The following MYBPHL variants were observed in gnomAD, a reference collection of about 807,000 sequenced individuals.
The protein encoded by MYBPHL is myosin-binding protein H-like.
A neutral mutation model predicts 39.5 loss-of-function variants in MYBPHL; 32 were observed. The ratio of observed to expected loss-of-function variants is 0.81; its 90% CI spans 0.61 to 1.09. MYBPHL has a LOEUF of 1.09. Ranked by LOEUF, MYBPHL falls within the 50% of genes least tolerant of loss-of-function variation. The pLI, the probability that MYBPHL is intolerant of heterozygous loss-of-function variation, is 0.00. For synonymous variants in MYBPHL, 196 were observed against 183.7 expected (o/e 1.07, Z -0.54); for missense variants, 456 against 460.2 (o/e 0.99, Z 0.08).
At chr1:109,295,865 G>T (rs1307564129) in intron 6 of MYBPHL, among the ~76,000 whole-genome samples, 2 of 152,200 alleles carry the variant, frequency 1.3e-5, no homozygotes, top group Non-Finnish European at 2.9e-5. Flanking sequence ...TGTGGCAAAA[G>T]GCTGAACTCT....
chr1:109,304,621 G>A (rs61797113), intron 1 of MYBPHL, among the ~76,000 whole-genome samples: 1 of 152,180 alleles, frequency 6.6e-6, no homozygotes. Context: ...TCCTGACCCC[G>A]TGGTACTGCC....
chr1:109,301,902 A>G (rs1218655935), intron 1 of MYBPHL, among the ~76,000 whole-genome samples: 1 of 152,084 alleles, frequency 6.6e-6, no homozygotes, highest in African/African-American at 2.4e-5. Context: ...ATTCCCTTTT[A>G]TGGGATCAGT....
At chr1:109,302,573 G>C (rs1247988977) in intron 1 of MYBPHL, among the ~76,000 whole-genome samples, 3 of 152,004 alleles carry the variant, frequency 2.0e-5, no homozygotes, top group Non-Finnish European at 4.4e-5. Flanking sequence ...CTCTCCATGC[G>C]GTATGCCTCT....
chr1:109,297,172 G>C lies in MYBPHL; in HGVS notation c.448C>G (p.Gln150Glu), dbSNP rs1451290409. The change falls in exon 4 of 9, where the codon CAG (glutamine) becomes GAG (glutamate). Residue 150 changes from glutamine (Q) to glutamate (E), a missense_variant. Physicochemically the swap from Gln to Glu is conservative, Grantham distance 29. Coordinates refer to ENST00000357155, the MANE Select transcript of MYBPHL (RefSeq NM_001010985.3). ...CAAACGTCCACCAGCTTAATACTCT[G>C]AGGAGGGCCTGGCCTCTCTGAAAGG... ...ILVIERPGPP[Q>E]SIKLVDVWGF... The C allele has an allele frequency of 6.2e-7, 1 of 1,614,092 alleles. No individual in the cohort carries two copies. Among genetic ancestry groups the C allele is most frequent in the Non-Finnish European group, 8.5e-7 (1 of 1,180,048 alleles).
rs80157306 is a variant in MYBPHL at position 109,297,452 on chromosome 1, C to T, written c.400G>A (p.Ala134Thr). Reference sequence around the variant, plus strand: ...ACCAGGATGTCAATGGTGGCGGTGGCCTCCAGCCCACCCAGCTGCACGCGG... The same window carrying T: ...ACCAGGATGTCAATGGTGGCGGTGGTCTCCAGCCCACCCAGCTGCACGCGG... ...QLRVQLGGLE[A>T]TATIDILVIE... The change falls in exon 3 of 9, where the codon GCC becomes ACC. Residue 134 changes from alanine to threonine, a missense_variant. Physicochemically the swap from Ala to Thr is moderately conservative, Grantham distance 58 (BLOSUM62 0). Coordinates refer to ENST00000357155, the MANE Select transcript of MYBPHL (RefSeq NM_001010985.3). 1.9e-6 allele frequency: 3 copies of T among 1,612,866 alleles called. No homozygotes were observed. Among genetic ancestry groups the T allele is most frequent in the Non-Finnish European group, 2.5e-6 (3 of 1,179,906 alleles).
rs1429897416 is a variant in MYBPHL at position 109,295,186 on chromosome 1, C to T, written c.979G>A (p.Asp327Asn). Residue 327 changes from aspartate (D) to asparagine (N), a missense_variant, in exon 7 of 9, where the codon GAT becomes AAT. Asp to Asn is a conservative substitution (Grantham distance 23, BLOSUM62 1). Transcript: ENST00000357155. ...SLEIRKPGPFDGGIYTCKAVN... is the reference protein window; with the variant it reads ...SLEIRKPGPFNGGIYTCKAVN... ...GCCTTGCAGGTATAGATGCCTCCATCAAAGGGACCCGGCTTGCGGATCTCT... is the reference window on the plus strand; with the variant it reads ...GCCTTGCAGGTATAGATGCCTCCATTAAAGGGACCCGGCTTGCGGATCTCT... 8.1e-6 allele frequency: 13 copies of T among 1,614,070 alleles called. No individual in the cohort carries two copies. Among genetic ancestry groups the T allele is most frequent in the Non-Finnish European group, 1.1e-5 (13 of 1,180,040 alleles).
Position 109,297,499 on chromosome 1 carries a change from G to T in MYBPHL, c.353C>A (p.Ala118Asp). 1 of 1,613,772 alleles carries T rather than the reference G, an allele frequency of 6.2e-7. No individual in the cohort carries two copies. The highest frequency in any genetic ancestry group is 8.5e-7 in the Non-Finnish European group (1 of 1,180,034). Reference protein sequence around the residue: ...SILFIREAQRADSGRYQLRVQ... With the variant: ...SILFIREAQRDDSGRYQLRVQ... Reference sequence around the variant, plus strand: ...GCGGAGTTGGTAGCGACCTGAGTCAGCACGTTGGGCTTCTCGGATGAAGAG... The same window carrying T: ...GCGGAGTTGGTAGCGACCTGAGTCATCACGTTGGGCTTCTCGGATGAAGAG... Residue 118 changes from alanine to aspartate, a missense_variant, in exon 3 of 9, where the codon GCT (alanine) becomes GAT (aspartate). Coordinates refer to ENST00000357155, the MANE Select transcript of MYBPHL (RefSeq NM_001010985.3).
chr1:109,303,118 T>C (rs1658349757), intron 1 of MYBPHL, among the ~76,000 whole-genome samples: 1 of 152,250 alleles, frequency 6.6e-6, no homozygotes, highest in African/African-American at 2.4e-5. Context: ...GAGAAATAGA[T>C]GTATGTCATT....
chr1:109,301,706 G>A (rs1031975983), intron 1 of MYBPHL, among the ~76,000 whole-genome samples: 2 of 150,664 alleles, frequency 1.3e-5, no homozygotes, highest in African/African-American at 4.9e-5. Context: ...GCACCATTGC[G>A]CTCCAGCCTG....
At chr1:109,296,599 T>C (rs1433923767) in intron 5 of MYBPHL, among the ~76,000 whole-genome samples, 184 bp downstream of exon 5, 1 of 152,040 alleles carries the variant, frequency 6.6e-6, no homozygotes, top group East Asian at 1.9e-4. Flanking sequence ...CCACCATGCC[T>C]GGCTAATTTT....
At position 109,296,961 on chromosome 1, in the gene MYBPHL, T is replaced by C; in HGVS notation, c.571-19A>G. The C allele has an allele frequency of 6.2e-7, 1 of 1,613,974 alleles. No individual in the cohort carries two copies. The highest frequency in any genetic ancestry group is 8.5e-7 in the Non-Finnish European group (1 of 1,179,874). ...ACCACAGCTGCGGGGCCGAACATGA[T>C]GCCAGAAATCAGCCACCCCATGTGG... On this transcript the variant is annotated intron_variant, in intron 4 of 8. Coordinates refer to ENST00000357155, the MANE Select transcript of MYBPHL (RefSeq NM_001010985.3).
At chr1:109,293,524 A>ACT (rs1271765275) in intron 8 of MYBPHL, among the ~76,000 whole-genome samples, 4 of 151,058 alleles carry the variant, frequency 2.6e-5, no homozygotes, top group East Asian at 2.0e-4. Context: ...CGGGTGGATC[A>ACT]TGAGGTCAGG....
At chr1:109,295,027 T>A in intron 7 of MYBPHL, 84 bp downstream of exon 7, 2 of 1,423,684 alleles carry the variant, frequency 1.4e-6, no homozygotes, top group Non-Finnish European at 1.9e-6. Context: ...CCCCTAGGCT[T>A]GCGTCTCTGT....
intron 1 of MYBPHL, among the ~76,000 whole-genome samples, chr1:109,298,668 C>A (rs1658175211): frequency 6.6e-6 from 1 of 152,090 alleles, no homozygotes; most frequent in Non-Finnish European, 1.5e-5. Context: ...TTATCAAGGC[C>A]ACTTTCCATG....
chr1:109,297,766 G>T, intron 2 of MYBPHL, 149 bp from the exon 3 acceptor site: 1 of 675,002 alleles, frequency 1.5e-6, no homozygotes, highest in East Asian at 2.8e-5. Flanking sequence ...ACCCTCCCGG[G>T]GGCCTCCTCC....
At chr1:109,297,876 T>C (rs1247508047) in intron 2 of MYBPHL, among the ~76,000 whole-genome samples, 9 of 152,152 alleles carry the variant, frequency 5.9e-5, no homozygotes, top group Admixed American at 5.9e-4. Flanking sequence ...CTGGGACCAA[T>C]TGAATAGCCA....
intron 1 of MYBPHL, among the ~76,000 whole-genome samples, chr1:109,300,511 G>T (rs183869556): frequency 2.0e-5 from 3 of 152,372 alleles, no homozygotes; most frequent in African/African-American, 7.2e-5. Context: ...GAGACCTCAG[G>T]TAGGGAATGG....
Position 109,295,208 on chromosome 1 carries a change from C to G in MYBPHL, c.957G>C (p.Glu319Asp). 1.2e-6 allele frequency: 2 copies of G among 1,614,174 alleles called. No individual in the cohort carries two copies. The highest frequency in any genetic ancestry group is 1.7e-6 in the Non-Finnish European group (2 of 1,180,022). ...CATCAAAGGGACCCGGCTTGCGGAT[C>G]TCTAGGGAGCAGATTCCCAGGTGAG... ...ALTHLGICSL[E>D]IRKPGPFDGG... The change falls in exon 7 of 9, where the codon GAG (glutamate) becomes GAC (aspartate). Residue 319 changes from glutamate (E) to aspartate (D), a missense_variant. Glu to Asp is a conservative substitution (Grantham distance 45, BLOSUM62 2). Transcript: ENST00000357155.
At chr1:109,297,674 C>A (rs1300240131) in intron 2 of MYBPHL, 57 bp from the exon 3 acceptor site, 8 of 1,502,262 alleles carry the variant, frequency 5.3e-6, no homozygotes, top group Non-Finnish European at 6.3e-6. Flanking sequence ...ACTCTCCCTG[C>A]TGCTGTAGGG....
Sources: gnomAD v4.1 joint callset for allele counts (sites outside exome capture counted in the v4.1 genomes callset) on GRCh38, gnomAD v4.1.1 for gene constraint, MANE v1.5 for transcripts, NCBI Gene and HGNC (gene_info 2026-07-23, HGNC 2026-07-21) for gene names.